Variants in PDE1A observed in about 807,000 individuals in gnomAD.
PDE1A encodes the protein phosphodiesterase 1A.
In PDE1A, 35 loss-of-function variants were observed where a neutral mutation model predicts 61.7. That is an observed-to-expected ratio of 0.57 (90% CI 0.43 to 0.75). PDE1A has a LOEUF of 0.75. PDE1A is among the 30% of genes least tolerant of loss of function. The pLI, the probability that PDE1A is intolerant of heterozygous loss-of-function variation, is 0.00. For missense variants in PDE1A, 597 were observed against 630.6 expected, an observed-to-expected ratio of 0.95 and a Z score of 0.57; for synonymous variants, 232 against 213.2, an observed-to-expected ratio of 1.09 and a Z score of -0.77.
At chr2:182,315,968 G>C (rs1181814983) in intron 1 of PDE1A, among the ~76,000 whole-genome samples, 1 of 152,152 alleles carries the variant, frequency 6.6e-6, no homozygotes, top group South Asian at 2.1e-4. Flanking sequence ...GTTCACAAGT[G>C]GCTTTACAAG....
At chr2:182,604,811 A>C in the PDE1A span, among the ~76,000 whole-genome samples, 2 of 152,292 alleles carry the variant, frequency 1.3e-5, no homozygotes, top group East Asian at 3.9e-4. Context: ...TTGGTTTTTT[A>C]AGTGTTTCAT....
chr2:182,474,623 T>C (rs994885653), intron 2 of PDE1A, among the ~76,000 whole-genome samples: 9 of 151,964 alleles, frequency 5.9e-5, no homozygotes, highest in African/African-American at 2.2e-4. Context: ...TAGGTGCTTA[T>C]TAGGTCAGTC....
chr2:182,342,605 CCTGGGAGGTGGAGGTTG>C (rs1327532564), intron 1 of PDE1A, among the ~76,000 whole-genome samples: 2 of 152,194 alleles, frequency 1.3e-5, no homozygotes, highest in Non-Finnish European at 2.9e-5. Context: ...ATCACTTGAA[CCTGGGAGGTGGAGGTTG>C]CAGTGAGCTG....
chr2:182,561,779 G>T, the PDE1A span, among the ~76,000 whole-genome samples: 6 of 152,174 alleles, frequency 3.9e-5, no homozygotes, highest in Admixed American at 1.3e-4. Flanking sequence ...CACATCCCTT[G>T]TAAGTTGGTT....
chr2:182,285,475 T>C (rs913377821), intron 1 of PDE1A, among the ~76,000 whole-genome samples: 1 of 151,842 alleles, frequency 6.6e-6, no homozygotes, highest in Non-Finnish European at 1.5e-5. Context: ...TCAGATTTAC[T>C]AAGAAACGAT....
chr2:182,448,336 T>G (rs1559472818), intron 2 of PDE1A, among the ~76,000 whole-genome samples: 1 of 151,922 alleles, frequency 6.6e-6, no homozygotes, highest in African/African-American at 2.4e-5. Flanking sequence ...ATTTAGATTT[T>G]TTTTTGTTCT....
intron 13 of PDE1A, among the ~76,000 whole-genome samples, chr2:182,154,339 CATTA>C (rs975738060): frequency 2.0e-5 from 3 of 152,026 alleles, no homozygotes; most frequent in African/African-American, 7.2e-5. Context: ...AAACATAAAC[CATTA>C]ATTTTCACTC....
chr2:182,195,564 CTG>C (rs1686068417), intron 10 of PDE1A, among the ~76,000 whole-genome samples: 1 of 152,124 alleles, frequency 6.6e-6, no homozygotes, highest in African/African-American at 2.4e-5. Context: ...TACATTTAAA[CTG>C]TAGCTGAGCA....
At chr2:182,565,668 T>C in the PDE1A span, among the ~76,000 whole-genome samples, 1 of 152,148 alleles carries the variant, frequency 6.6e-6, no homozygotes, top group Non-Finnish European at 1.5e-5. Context: ...TAAGGGAGAC[T>C]GTTCTTTTTT....
At chr2:182,257,443 A>C (rs1264666928) in intron 2 of PDE1A, among the ~76,000 whole-genome samples, 3 of 152,208 alleles carry the variant, frequency 2.0e-5, no homozygotes, top group African/African-American at 4.8e-5. Context: ...AATACTTTGA[A>C]TAGGTCTTTT....
Position 182,344,721 on chromosome 2 carries a change from TTCTCTCTG to T in PDE1A, c.54-80315_54-80308del, listed in dbSNP as rs769529772. On this transcript the variant is annotated intron_variant, in intron 1 of 13. Transcript: ENST00000351439. The stretch of plus-strand genomic sequence containing the variant: ...TGCTTGTTTTTCTTCTTTCTTTCCT[TTCTCTCTG>T]TCTCTCTGTCTCTCTCTCTCTCACA... Among the ~76,000 whole-genome samples the T allele has an allele frequency of 1.0e-4, 10 of 98,946 alleles. No homozygotes were observed. In the East Asian group the frequency reaches 1.3e-3, roughly 13 times the overall value. 64.9% of individuals were successfully genotyped at this position (98,946 alleles called of 152,430 possible).
intron 13 of PDE1A, among the ~76,000 whole-genome samples, chr2:182,177,192 T>C (rs973487129): frequency 2.0e-5 from 3 of 152,108 alleles, no homozygotes; most frequent in African/African-American, 4.8e-5. Context: ...AGAATGATGC[T>C]GGCCTCATAA....
At chr2:182,236,563 A>G (rs907771471) in intron 3 of PDE1A, among the ~76,000 whole-genome samples, 2 of 152,206 alleles carry the variant, frequency 1.3e-5, no homozygotes, top group Non-Finnish European at 2.9e-5. Flanking sequence ...TTTGAATCAC[A>G]TGTTAGCCAC....
chr2:182,493,955 C>T (rs1688555047), intron 2 of PDE1A, among the ~76,000 whole-genome samples: 1 of 152,188 alleles, frequency 6.6e-6, no homozygotes, highest in African/African-American at 2.4e-5. Context: ...CTGTATTTTG[C>T]AATGCATGCT....
chr2:182,400,209 T>C (rs1226646741), intron 1 of PDE1A, among the ~76,000 whole-genome samples: 1 of 152,268 alleles, frequency 6.6e-6, no homozygotes, highest in East Asian at 1.9e-4. Context: ...CCTTTTCCCA[T>C]GATAAAAGAA....
At chr2:182,233,119 A>T (rs2568660) in intron 4 of PDE1A, among the ~76,000 whole-genome samples, 1 of 152,038 alleles carries the variant, frequency 6.6e-6, no homozygotes, top group Admixed American at 6.6e-5. Flanking sequence ...TTTAAGCAAA[A>T]ATTCTTAAAA....
At chr2:182,309,293 C>T (rs1044648166) in intron 1 of PDE1A, among the ~76,000 whole-genome samples, 3 of 151,844 alleles carry the variant, frequency 2.0e-5, no homozygotes, top group African/African-American at 7.3e-5. Flanking sequence ...TATATTGAGA[C>T]AATAAATTGT....
At chr2:182,495,613 T>C (rs974658870) in intron 2 of PDE1A, among the ~76,000 whole-genome samples, 3 of 152,170 alleles carry the variant, frequency 2.0e-5, no homozygotes, top group African/African-American at 7.2e-5. Flanking sequence ...CCTTTAACTT[T>C]CCTCTAAAAG....
At chr2:182,262,360 G>C (rs773228270) in intron 2 of PDE1A, among the ~76,000 whole-genome samples, 5 of 151,966 alleles carry the variant, frequency 3.3e-5, no homozygotes, top group Non-Finnish European at 7.4e-5. Flanking sequence ...CGGCCTCCCT[G>C]GCTCAAGTGA....
Sources: gnomAD v4.1 joint callset for allele counts (sites outside exome capture counted in the v4.1 genomes callset) on GRCh38, gnomAD v4.1.1 for gene constraint, MANE v1.5 for transcripts, NCBI Gene and HGNC (gene_info 2026-07-23, HGNC 2026-07-21) for gene names.